Variants in TIMP2 observed in about 807,000 individuals in gnomAD.
TIMP2 encodes the protein TIMP metallopeptidase inhibitor 2.
TIMP2 carries 5 observed loss-of-function variants against 24.3 expected under a neutral mutation model. That is an observed-to-expected ratio of 0.21 (90% CI 0.11 to 0.43). The LOEUF (loss-of-function observed/expected upper bound fraction) is 0.43. TIMP2 is among the 20% of genes least tolerant of loss of function. The pLI is 1.00. For missense variants in TIMP2, 221 were observed against 297.5 expected, an observed-to-expected ratio of 0.74 and a Z score of 1.89; for synonymous variants, 130 against 123.2, an observed-to-expected ratio of 1.06 and a Z score of -0.37.
chr17:78,887,994 C>T (rs1281545383), intron 1 of TIMP2, among the ~76,000 whole-genome samples: 4 of 152,042 alleles, frequency 2.6e-5, no homozygotes, highest in South Asian at 2.1e-4. Context: ...ATTCAGTAAC[C>T]GTGCCGAGGC....
At chr17:78,864,002 C>G (rs895119909) in intron 3 of TIMP2, among the ~76,000 whole-genome samples, 1 of 152,152 alleles carries the variant, frequency 6.6e-6, no homozygotes, top group Non-Finnish European at 1.5e-5. Flanking sequence ...CATTCGAACT[C>G]GAGCAGGTGT....
At chr17:78,918,060 AC>A (rs2070275637) in intron 1 of TIMP2, among the ~76,000 whole-genome samples, 1 of 113,868 alleles carries the variant, frequency 8.8e-6, no homozygotes, top group Non-Finnish European at 1.7e-5. Flanking sequence ...ACGCGTGCAC[AC>A]ACAAACACAC....
intron 3 of TIMP2, among the ~76,000 whole-genome samples, chr17:78,866,420 A>C (rs1412767706): frequency 6.6e-6 from 1 of 151,936 alleles, no homozygotes; most frequent in Non-Finnish European, 1.5e-5. Context: ...AAAATCATAG[A>C]TAATACTGGG....
chr17:78,874,044 G>C lies in TIMP2; in HGVS notation c.131-125C>G, dbSNP rs1324669856. ...GGTTACAGACAGCAGCAAGGTGCGA[G>C]ACGGGCAAGGGGCATGGTGATCCCA... On this transcript the variant is annotated intron_variant, in intron 1 of 4. Coordinates refer to ENST00000262768, the MANE Select transcript of TIMP2 (RefSeq NM_003255.5). 1.4e-5 allele frequency: 11 copies of C among 764,350 alleles called. No homozygotes were observed. In the Admixed American group the frequency reaches 1.9e-4, roughly 13 times the overall value. 47.3% of individuals were successfully genotyped at this position (764,350 alleles called of 1,614,324 possible).
intron 1 of TIMP2, among the ~76,000 whole-genome samples, chr17:78,886,504 A>G (rs2069826538): frequency 6.6e-6 from 1 of 152,138 alleles, no homozygotes; most frequent in Non-Finnish European, 1.5e-5. Context: ...CCGTGTGCAA[A>G]AAATAGCTGG....
intron 1 of TIMP2, among the ~76,000 whole-genome samples, chr17:78,911,915 T>C (rs1206007160): frequency 7.7e-6 from 1 of 129,670 alleles, no homozygotes; most frequent in East Asian, 2.1e-4. Context: ...AAAAAAAAAT[T>C]GAACTGGGCA....
In TIMP2 at chr17:78,885,175, T is replaced by A. The variant is rs1268208434; in HGVS notation, c.131-11256A>T. Among the ~76,000 whole-genome samples, 3 of 152,074 alleles carry A rather than the reference T, an allele frequency of 2.0e-5. No individual in the cohort carries two copies. In the East Asian group the frequency reaches 5.8e-4, roughly 29 times the overall value. On this transcript the variant is annotated intron_variant, in intron 1 of 4. Coordinates refer to ENST00000262768, the MANE Select transcript of TIMP2 (RefSeq NM_003255.5). ...CCACGGAGGCCTTCCTGGGTCCCTG[T>A]GGTTTGGGGAGAAGGACCCACAAGG...
chr17:78,893,145 A>T (rs1030143961), intron 1 of TIMP2, among the ~76,000 whole-genome samples: 1 of 115,186 alleles, frequency 8.7e-6, no homozygotes, highest in South Asian at 3.0e-4. Flanking sequence ...GTGTGTGCGT[A>T]CATGTGTGTG....
chr17:78,869,227 C>A (rs1442106760), intron 3 of TIMP2, among the ~76,000 whole-genome samples: 1 of 151,734 alleles, frequency 6.6e-6, no homozygotes, highest in Non-Finnish European at 1.5e-5. Flanking sequence ...TCAAGACCAG[C>A]CTGGGCAACA....
intron 3 of TIMP2, among the ~76,000 whole-genome samples, chr17:78,858,362 G>C (rs1369845839): frequency 6.6e-6 from 1 of 151,900 alleles, no homozygotes; most frequent in Non-Finnish European, 1.5e-5. Context: ...AGAATGGCGT[G>C]AACCCGGGAG....
At chr17:78,911,486 A>C (rs1056144946) in intron 1 of TIMP2, among the ~76,000 whole-genome samples, 1 of 152,014 alleles carries the variant, frequency 6.6e-6, no homozygotes. Flanking sequence ...GCTGGAGTGC[A>C]GTGGCGTGAT....
At chr17:78,874,610 C>T (rs1427217864) in intron 1 of TIMP2, among the ~76,000 whole-genome samples, 2 of 152,188 alleles carry the variant, frequency 1.3e-5, no homozygotes, top group Non-Finnish European at 2.9e-5. Context: ...TGGAGTCTCG[C>T]GCTGTTGCCC....
At chr17:78,863,650 C>T (rs138733263) in intron 3 of TIMP2, among the ~76,000 whole-genome samples, 9 of 152,336 alleles carry the variant, frequency 5.9e-5, no homozygotes, top group Admixed American at 2.0e-4. Context: ...AGCCTTCACG[C>T]TCATTCTGCT....
chr17:78,907,847 G>A (rs541752399), intron 1 of TIMP2, among the ~76,000 whole-genome samples: 21 of 152,188 alleles, frequency 1.4e-4, no homozygotes, highest in African/African-American at 4.1e-4. Context: ...GTGTCCAAAC[G>A]TTCTGGCCAG....
At chr17:78,909,577 G>A (rs1209252245) in intron 1 of TIMP2, among the ~76,000 whole-genome samples, 2 of 123,850 alleles carry the variant, frequency 1.6e-5, no homozygotes, top group Non-Finnish European at 3.6e-5. Flanking sequence ...TGGTGCAGCT[G>A]GACCCCCAGC....
At position 78,891,891 on chromosome 17, in the gene TIMP2, G is replaced by C. The variant is rs1310160519; in HGVS notation, c.131-17972C>G. 6.4e-7 allele frequency: 1 copy of C among 1,550,638 alleles called. No individual in the cohort carries two copies. Among genetic ancestry groups the C allele is most frequent in the Non-Finnish European group, 8.7e-7 (1 of 1,147,000 alleles). Reference sequence around the variant, plus strand: ...ATCCGACCCGTGGCTTTTGTAGTCTGTGGTTTCTCTGGACTCGCTGCTGTC... The same window carrying C: ...ATCCGACCCGTGGCTTTTGTAGTCTCTGGTTTCTCTGGACTCGCTGCTGTC... On this transcript the variant is annotated intron_variant, in intron 1 of 4. Transcript: ENST00000262768. This position sits in a 1 kb window ranked among gnomAD's most constrained non-coding sequence, Gnocchi z 4.5.
At chr17:78,915,157 A>G (rs560594029) in intron 1 of TIMP2, among the ~76,000 whole-genome samples, 24 of 151,996 alleles carry the variant, frequency 1.6e-4, no homozygotes, top group African/African-American at 5.8e-4. Flanking sequence ...TCAGCCTCCC[A>G]AAGTGCTGGG....
chr17:78,878,665 C>T (rs972190866), intron 1 of TIMP2, among the ~76,000 whole-genome samples: 2 of 151,322 alleles, frequency 1.3e-5, no homozygotes, highest in African/African-American at 4.9e-5. Context: ...AGGGTAGCCA[C>T]GTGGGGTTAG....
At chr17:78,914,700 C>T (rs997195808) in intron 1 of TIMP2, among the ~76,000 whole-genome samples, 4 of 151,846 alleles carry the variant, frequency 2.6e-5, no homozygotes, top group African/African-American at 7.3e-5. Flanking sequence ...TTCAGCCTCC[C>T]GAGTAGGTGG....
Sources: allele counts gnomAD v4.1 joint callset (sites outside exome capture counted in the v4.1 genomes callset), GRCh38; gene constraint gnomAD v4.1.1; non-coding constraint Gnocchi (gnomAD v3.1); transcripts MANE v1.5; gene names NCBI Gene and HGNC (gene_info 2026-07-23, HGNC 2026-07-21).